GNAO1: variants seen among roughly 807,000 people sequenced by gnomAD.
GNAO1 encodes the protein G protein subunit alpha o1.
For synonymous variants in GNAO1, 164 were observed against 180.7 expected, an observed-to-expected ratio of 0.91 and a Z score of 0.74; for missense variants, 166 against 478.7, an observed-to-expected ratio of 0.35 and a Z score of 6.10.
intron 2 of GNAO1, among the ~76,000 whole-genome samples, chr16:56,251,397 A>C (rs1159602348): frequency 6.6e-6 from 1 of 152,250 alleles, no homozygotes; most frequent in Non-Finnish European, 1.5e-5. Flanking sequence ...TGTAAGTGAA[A>C]TCAAGTTGAA....
intron 2 of GNAO1, among the ~76,000 whole-genome samples, chr16:56,226,130 T>C (rs2036531125): frequency 6.6e-6 from 1 of 152,006 alleles, no homozygotes; most frequent in Non-Finnish European, 1.5e-5. Context: ...GAGGACGGGC[T>C]GTGGAGGGGC....
rs1251434657 is a variant in GNAO1, at chr16:56,357,074, A to T, written c.*1000A>T. On this transcript the variant is annotated 3_prime_UTR_variant, in exon 9 of 9. Transcript: ENST00000262493. ...CAAGATGGAAAAAAAAAACAAAAAA[A>T]TTTAAAAAGATGGAATGTAGTGTTT... 2.6e-5 allele frequency: 4 copies of T among 152,312 alleles called. No individual in the cohort carries two copies. Among genetic ancestry groups the T allele is most frequent in the African/African-American group, 9.7e-5 (4 of 41,384 alleles). The allele number at this position is 152,312 out of a possible 1,614,324, so 9.4% of individuals were successfully genotyped here. A position where few individuals can be genotyped will look rare whatever the true frequency, so the allele number is the denominator to read the frequency against.
intron 6 of GNAO1, chr16:56,347,449 C>CCTCA: frequency 1.0e-6 from 1 of 985,638 alleles, no homozygotes; most frequent in Non-Finnish European, 1.2e-6. Flanking sequence ...ATCTCCCACC[C>CCTCA]CTCAGCAAGA....
intron 1 of GNAO1, 48 bp downstream of exon 1, chr16:56,192,401 C>G: frequency 8.9e-7 from 1 of 1,121,030 alleles, no homozygotes; most frequent in Middle Eastern, 2.1e-4. Context: ...GGCCACTCCG[C>G]ACCCCCTGCC....
chr16:56,265,970 C>T (rs527532419), intron 2 of GNAO1, among the ~76,000 whole-genome samples: 6 of 152,264 alleles, frequency 3.9e-5, no homozygotes, highest in Non-Finnish European at 8.8e-5. Flanking sequence ...GGGGCCTTTG[C>T]TCTTGCTGCT....
At chr16:56,289,038 G>T (rs969648998) in intron 3 of GNAO1, among the ~76,000 whole-genome samples, 1 of 152,112 alleles carries the variant, frequency 6.6e-6, no homozygotes, top group Non-Finnish European at 1.5e-5. Context: ...AAAAAAGGGG[G>T]GGGGAGCGGA....
At chr16:56,334,496 G>A (rs2037721213) in intron 4 of GNAO1, among the ~76,000 whole-genome samples, 1 of 152,194 alleles carries the variant, frequency 6.6e-6, no homozygotes, top group Non-Finnish European at 1.5e-5. Context: ...GAGTGTCCCG[G>A]GAGCTGCATG....
intron 3 of GNAO1, among the ~76,000 whole-genome samples, chr16:56,312,740 T>C (rs1824364359): frequency 6.6e-6 from 1 of 152,240 alleles, no homozygotes; most frequent in South Asian, 2.1e-4. Context: ...AGCCCTGGGA[T>C]GTGCTGCATG....
chr16:56,219,275 GC>G (rs1265871937), intron 2 of GNAO1, among the ~76,000 whole-genome samples: 1 of 152,104 alleles, frequency 6.6e-6, no homozygotes, highest in Non-Finnish European at 1.5e-5. Context: ...CTATTGCCCT[GC>G]CTTCTTGGAG....
intron 2 of GNAO1, 27 bp from the exon 3 acceptor site, chr16:56,275,904 G>C: frequency 6.2e-7 from 1 of 1,603,250 alleles, no homozygotes. Context: ...GCTCTCATCA[G>C]GTGTGGTGTG....
At chr16:56,348,986 TGTG>T (rs2037898211) in intron 6 of GNAO1, among the ~76,000 whole-genome samples, 1 of 152,186 alleles carries the variant, frequency 6.6e-6, no homozygotes, top group African/African-American at 2.4e-5. Flanking sequence ...AGGAGCCTGA[TGTG>T]GTCATTCTTA....
intron 3 of GNAO1, among the ~76,000 whole-genome samples, chr16:56,290,255 A>G (rs774998260): frequency 1.3e-5 from 2 of 152,144 alleles, no homozygotes; most frequent in Non-Finnish European, 2.9e-5. Flanking sequence ...GACCCCTGGT[A>G]TGTGTGCTCA....
chr16:56,192,473 G>A, intron 1 of GNAO1, 101 bp from the exon 2 acceptor site: 1 of 901,132 alleles, frequency 1.1e-6, no homozygotes, highest in Middle Eastern at 2.2e-4. Context: ...ACCACCATGT[G>A]CCCAGGATCG....
At position 56,326,246 on chromosome 16, in the gene GNAO1, A is replaced by G. The variant is rs2037631035; in HGVS notation, c.304-2385A>G. Among the ~76,000 whole-genome samples the G allele has an allele frequency of 1.3e-5, 2 of 152,144 alleles. No individual in the cohort carries two copies. The highest frequency in any genetic ancestry group is 6.5e-5 in the Admixed American group (1 of 15,276). The stretch of plus-strand genomic sequence containing the variant: ...GTAGTCACTAGGCAGGGGTGTTCTC[A>G]GGACCTGCTAGGATTCAGCCAGGAA... On this transcript the variant is annotated intron_variant, in intron 3 of 8. Coordinates refer to ENST00000262493, the MANE Select transcript of GNAO1 (RefSeq NM_020988.3). The surrounding 1 kb of genome is among the most constrained non-coding windows in gnomAD (Gnocchi z 4.8).
chr16:56,227,632 G>A (rs770349421), intron 2 of GNAO1, among the ~76,000 whole-genome samples: 1 of 142,518 alleles, frequency 7.0e-6, no homozygotes, highest in Non-Finnish European at 1.5e-5. Context: ...AGGCTATAGT[G>A]AGCCATGACA....
chr16:56,217,530 A>G (rs756098308), intron 2 of GNAO1, among the ~76,000 whole-genome samples: 6 of 151,932 alleles, frequency 3.9e-5, no homozygotes, highest in Non-Finnish European at 7.4e-5. Context: ...TCAAGTGTTG[A>G]CTCTTTCTCC....
intron 2 of GNAO1, among the ~76,000 whole-genome samples, chr16:56,228,726 G>A (rs779533453): frequency 6.6e-6 from 1 of 152,140 alleles, no homozygotes; most frequent in Non-Finnish European, 1.5e-5. Context: ...CTTGCAGCAT[G>A]CTGTGGGCAC....
intron 2 of GNAO1, among the ~76,000 whole-genome samples, chr16:56,208,701 GTTT>G: frequency 6.6e-6 from 1 of 152,122 alleles, no homozygotes; most frequent in Non-Finnish European, 1.5e-5. Flanking sequence ...TCTCATTGTG[GTTT>G]TACTTTACAT....
intron 2 of GNAO1, chr16:56,270,784 G>C (rs572380992): frequency 6.6e-6 from 1 of 152,282 alleles, no homozygotes; most frequent in Admixed American, 6.5e-5. Flanking sequence ...TCAAAATTGA[G>C]AGGGAATTAT....
Sources: gnomAD v4.1 joint callset for allele counts (sites outside exome capture counted in the v4.1 genomes callset) on GRCh38, gnomAD v4.1.1 for gene constraint, Gnocchi (gnomAD v3.1) non-coding constraint, MANE v1.5 for transcripts, NCBI Gene and HGNC (gene_info 2026-07-23, HGNC 2026-07-21) for gene names.